PIK3R3: variants seen among roughly 807,000 people sequenced by gnomAD.
PIK3R3 encodes phosphatidylinositol 3-kinase regulatory subunit gamma.
A neutral mutation model predicts 62.9 loss-of-function variants in PIK3R3; 64 were observed. The ratio of observed to expected loss-of-function variants is 1.02; its 90% CI spans 0.83 to 1.25. PIK3R3 has a LOEUF of 1.25. Ranked by LOEUF, PIK3R3 falls within the 50% of genes most tolerant of loss-of-function variation. The pLI, the probability that PIK3R3 is intolerant of heterozygous loss-of-function variation, is 0.00. For missense variants in PIK3R3, 614 were observed against 561.6 expected (o/e 1.09, Z -0.94); for synonymous variants, 165 against 189.0 (o/e 0.87, Z 1.04).
At chr1:46,153,008 G>C in the PIK3R3 span, among the ~76,000 whole-genome samples, 1 of 151,996 alleles carries the variant, frequency 6.6e-6, no homozygotes, top group Non-Finnish European at 1.5e-5. Context: ...CAGTTATTTT[G>C]AATCTCACAA....
At chr1:46,113,215 C>G (rs1224356955) in intron 1 of PIK3R3, among the ~76,000 whole-genome samples, 2 of 152,104 alleles carry the variant, frequency 1.3e-5, no homozygotes, top group Non-Finnish European at 2.9e-5. Flanking sequence ...AATTCAACCC[C>G]TAAATATAGC....
intron 1 of PIK3R3, among the ~76,000 whole-genome samples, chr1:46,097,090 A>T (rs566543186): frequency 3.3e-5 from 5 of 152,294 alleles, no homozygotes; most frequent in Non-Finnish European, 5.9e-5. Flanking sequence ...CCAGCAACAT[A>T]TAAATAGGAT....
rs76626310 is a variant in PIK3R3, at chr1:46,108,607, C to T, written c.106+23240G>A. On this transcript the variant is annotated intron_variant, in intron 1 of 9. Transcript: ENST00000262741. ...AACACTCTATACATCTCTTCTCTCACAATTGCCCTTTACCAGAAAAAATAA... is the reference window on the plus strand; with the variant it reads ...AACACTCTATACATCTCTTCTCTCATAATTGCCCTTTACCAGAAAAAATAA... Among the ~76,000 whole-genome samples, 1,062 of 152,302 alleles carry T rather than the reference C, an allele frequency of 7.0e-3. 14 individuals carry two copies. The highest frequency in any genetic ancestry group is 0.025 in the African/African-American group (1,023 of 41,556).
At chr1:46,103,111 A>G (rs1328382168) in intron 1 of PIK3R3, among the ~76,000 whole-genome samples, 1 of 152,208 alleles carries the variant, frequency 6.6e-6, no homozygotes, top group Non-Finnish European at 1.5e-5. Context: ...AGGTAACTGA[A>G]GTAGACAAAA....
intron 8 of PIK3R3, 52 bp downstream of exon 8, chr1:46,046,499 G>T: frequency 8.5e-7 from 1 of 1,170,454 alleles, no homozygotes; most frequent in Non-Finnish European, 1.3e-6. Flanking sequence ...CAAGGCGCAT[G>T]TCTTATATTG....
At chr1:46,103,879 C>A (rs1652942333) in intron 1 of PIK3R3, among the ~76,000 whole-genome samples, 2 of 151,952 alleles carry the variant, frequency 1.3e-5, no homozygotes, top group African/African-American at 4.8e-5. Flanking sequence ...CAGGCATGAA[C>A]CACCACGCCC....
chr1:46,043,824 C>T lies in PIK3R3; in HGVS notation c.1235G>A (p.Gly412Asp). 1.2e-6 allele frequency: 2 copies of T among 1,614,100 alleles called. No homozygotes were observed. The highest frequency in any genetic ancestry group is 1.7e-6 in the Non-Finnish European group (2 of 1,180,008). The change falls in exon 10 of 10, where the codon GGC (glycine) becomes GAC (aspartate). Residue 412 changes from glycine (G) to aspartate (D), a missense_variant. Physicochemically the swap from Gly to Asp is moderately conservative, Grantham distance 94. Transcript: ENST00000262741. The part of the protein sequence containing the change: ...KHCVIYSTAR[G>D]YGFAEPYNLY... ...GTTGTAGGGCTCTGCAAAGCCATAGCCCCGAGCAGTGCTGTAGATCACACA... is the reference window on the plus strand; with the variant it reads ...GTTGTAGGGCTCTGCAAAGCCATAGTCCCGAGCAGTGCTGTAGATCACACA...
chr1:46,149,832 A>G, the PIK3R3 span, among the ~76,000 whole-genome samples: 5 of 152,218 alleles, frequency 3.3e-5, no homozygotes, highest in Non-Finnish European at 7.3e-5. Flanking sequence ...CACCCGGCCA[A>G]GAAGTTACCT....
chr1:46,078,198 A>G (rs1650245243), intron 2 of PIK3R3, among the ~76,000 whole-genome samples: 1 of 152,216 alleles, frequency 6.6e-6, no homozygotes, highest in Non-Finnish European at 1.5e-5. Context: ...AATTTAAAAA[A>G]AGACTTTTAT....
chr1:46,132,950 T>A (rs1655758038), upstream of PIK3R3: 12 of 1,141,010 alleles, frequency 1.1e-5, no homozygotes, highest in Admixed American at 4.3e-5. Flanking sequence ...ACTCCAGGAG[T>A]CAGTGCCGGG....
upstream of PIK3R3, chr1:46,132,824 G>T (rs544241705): frequency 1.2e-4 from 142 of 1,218,678 alleles, no homozygotes; most frequent in Non-Finnish European, 1.4e-4. Context: ...TCAAAAAGCT[G>T]CTCTCCATCT....
chr1:46,096,795 A>G lies in PIK3R3; in HGVS notation c.107-16045T>C, dbSNP rs114232692. ...GGTGGAGGTTGCAGTGAGCACAGAT[A>G]GTGTCACTGCACTCCATCCTGGGCA... On this transcript the variant is annotated intron_variant, in intron 1 of 9. Transcript: ENST00000262741. Among the ~76,000 whole-genome samples the G allele has an allele frequency of 6.1e-3, 926 of 150,762 alleles. 9 individuals are homozygous for G. The highest frequency in any genetic ancestry group is 0.022 in the African/African-American group (891 of 41,130).
chr1:46,138,098 GA>G, the PIK3R3 span, among the ~76,000 whole-genome samples: 51 of 152,298 alleles, frequency 3.3e-4, 1 homozygote, highest in Non-Finnish European at 2.2e-4. Context: ...GGAAATTCAG[GA>G]AAATTCAGCA....
chr1:46,123,827 A>AT (rs1654870551), intron 1 of PIK3R3, among the ~76,000 whole-genome samples: 1 of 152,250 alleles, frequency 6.6e-6, no homozygotes, highest in African/African-American at 2.4e-5. Flanking sequence ...TGCTTGGACT[A>AT]TAATAATTTC....
intron 1 of PIK3R3, among the ~76,000 whole-genome samples, chr1:46,114,145 T>G (rs1237932199): frequency 1.3e-5 from 2 of 152,206 alleles, no homozygotes; most frequent in African/African-American, 4.8e-5. Context: ...ACTCCTGGGC[T>G]GATCACTGTG....
the PIK3R3 span, among the ~76,000 whole-genome samples, chr1:46,169,930 T>G: frequency 6.6e-6 from 1 of 152,102 alleles, no homozygotes; most frequent in Non-Finnish European, 1.5e-5. Context: ...GATTGGCTCC[T>G]TCTATAGAGA....
In PIK3R3 at chr1:46,040,430, A is replaced by G. The variant is rs1646975095; in HGVS notation, c.*3243T>C. The G allele has an allele frequency of 4.3e-6, 1 of 231,042 alleles. No individual in the cohort carries two copies. The highest frequency in any genetic ancestry group is 2.2e-5 in the African/African-American group (1 of 45,226). The allele number at this position is 231,042 out of a possible 1,614,324, so 14.3% of individuals were successfully genotyped here. Reference sequence around the variant, plus strand: ...GAATTTTCTTGGACACATCAAAGACAACAGAATAGATTTTTCACAAGTAAC... The same window carrying G: ...GAATTTTCTTGGACACATCAAAGACGACAGAATAGATTTTTCACAAGTAAC... On this transcript the variant is annotated 3_prime_UTR_variant, in exon 10 of 10. Coordinates refer to ENST00000262741, the MANE Select transcript of PIK3R3 (RefSeq NM_003629.4).
intron 4 of PIK3R3, 50 bp from the exon 5 acceptor site, chr1:46,066,229 T>C (rs755759928): frequency 1.5e-5 from 20 of 1,296,534 alleles, no homozygotes; most frequent in Non-Finnish European, 1.8e-5. Flanking sequence ...CTGACATATG[T>C]GGAAATAGAT....
the PIK3R3 span, among the ~76,000 whole-genome samples, chr1:46,170,457 G>A: frequency 1.6e-3 from 251 of 152,152 alleles, no homozygotes; most frequent in African/African-American, 5.6e-3. Context: ...TCTAGCTCTC[G>A]TCCCCCAGGC....
Sources: gnomAD v4.1 joint callset for allele counts (sites outside exome capture counted in the v4.1 genomes callset) on GRCh38, gnomAD v4.1.1 for gene constraint, MANE v1.5 for transcripts, NCBI Gene and HGNC (gene_info 2026-07-23, HGNC 2026-07-21) for gene names.